The following BTC variants were observed in gnomAD, a reference collection of about 807,000 sequenced individuals.
BTC encodes probetacellulin.
A neutral mutation model predicts 18.1 loss-of-function variants in BTC; 13 were observed. The observed-to-expected ratio is 0.72, with a 90% CI of 0.47 to 1.14. BTC has a LOEUF of 1.14. Among genes scored for constraint, BTC ranks in the 50% most tolerant of loss-of-function variants. BTC has a pLI of 0.00. For synonymous variants in BTC, 83 were observed against 79.4 expected, an observed-to-expected ratio of 1.05 and a Z score of -0.24; for missense variants, 247 against 224.2, an observed-to-expected ratio of 1.10 and a Z score of -0.65.
chr4:74,762,723 A>C (rs1306724863), intron 2 of BTC, among the ~76,000 whole-genome samples: 3 of 152,198 alleles, frequency 2.0e-5, no homozygotes, highest in African/African-American at 7.2e-5. Context: ...TACCTTAGAT[A>C]CTGAGAGATC....
At chr4:74,790,572 A>C (rs1479674901) in intron 1 of BTC, among the ~76,000 whole-genome samples, 1 of 152,186 alleles carries the variant, frequency 6.6e-6, no homozygotes, top group Non-Finnish European at 1.5e-5. Flanking sequence ...CAGGGAGACT[A>C]TGAAGCGATG....
chr4:74,784,062 G>T (rs1386431592), intron 1 of BTC, among the ~76,000 whole-genome samples: 1 of 151,732 alleles, frequency 6.6e-6, no homozygotes, highest in Non-Finnish European at 1.5e-5. Context: ...ATGAAACCCT[G>T]TCTCTACTAA....
chr4:74,788,288 G>A (rs1725535821), intron 1 of BTC, among the ~76,000 whole-genome samples: 1 of 152,036 alleles, frequency 6.6e-6, no homozygotes, highest in Admixed American at 6.6e-5. Context: ...CAAAAAAAAT[G>A]GTAGCTATTA....
intron 1 of BTC, among the ~76,000 whole-genome samples, chr4:74,784,803 G>A (rs1458272296): frequency 6.6e-6 from 1 of 152,188 alleles, no homozygotes; most frequent in Admixed American, 6.5e-5. Flanking sequence ...TAAGCTTTTT[G>A]ATATGCTGCT....
chr4:74,758,433 T>C (rs1380533472), intron 2 of BTC, among the ~76,000 whole-genome samples: 3 of 151,992 alleles, frequency 2.0e-5, no homozygotes, highest in Admixed American at 2.0e-4. Flanking sequence ...GGCGGACACA[T>C]ACAATGTGAG....
chr4:74,746,060 G>T lies in BTC; in HGVS notation c.*617C>A. 6.6e-6 allele frequency: 1 copy of T among 152,098 alleles called. No individual in the cohort carries two copies. The highest frequency in any genetic ancestry group is 2.1e-4 in the South Asian group (1 of 4,824). 9.4% of individuals were successfully genotyped at this position (152,098 alleles called of 1,614,324 possible). ...AACACAGTTCAGTATAAAACCTTGG[G>T]TTATATTATTGAGTTAGGTTGCACC... On this transcript the variant is annotated 3_prime_UTR_variant, in exon 6 of 6. Coordinates refer to ENST00000395743, the MANE Select transcript of BTC (RefSeq NM_001729.4).
At chr4:74,752,758 AT>A (rs1340696524) in intron 3 of BTC, among the ~76,000 whole-genome samples, 3 of 152,230 alleles carry the variant, frequency 2.0e-5, no homozygotes, top group East Asian at 1.9e-4. Context: ...TTACAAATAT[AT>A]TTTTTTCCAA....
chr4:74,766,320 T>G lies in BTC; in HGVS notation c.163+3738A>C, dbSNP rs560512048. Among the ~76,000 whole-genome samples the G allele has an allele frequency of 6.7e-4, 102 of 152,206 alleles. 1 individual carries two copies. The highest frequency in any genetic ancestry group is 2.4e-3 in the African/African-American group (101 of 41,578). On this transcript the variant is annotated intron_variant, in intron 2 of 5. Transcript: ENST00000395743. The stretch of plus-strand genomic sequence containing the variant: ...ACTTTAACTTACTGTAACTTTTTTA[T>G]TGTATAAACTTTTAAATTAATTTTT...
intron 1 of BTC, among the ~76,000 whole-genome samples, chr4:74,789,288 C>G (rs2109922136): frequency 6.6e-6 from 1 of 152,310 alleles, no homozygotes; most frequent in East Asian, 1.9e-4. Flanking sequence ...ACTATTATGG[C>G]AGTTTCCTTT....
intron 2 of BTC, among the ~76,000 whole-genome samples, chr4:74,762,415 T>C (rs1724785221): frequency 6.6e-6 from 1 of 152,148 alleles, no homozygotes; most frequent in African/African-American, 2.4e-5. Flanking sequence ...CGCCATAGGA[T>C]TAAATGAATT....
chr4:74,763,180 T>C (rs1724808842), intron 2 of BTC, among the ~76,000 whole-genome samples: 3 of 152,174 alleles, frequency 2.0e-5, no homozygotes. Context: ...CTATATCCTA[T>C]ACAGAAAAAT....
At chr4:74,759,770 G>A (rs1724702789) in intron 2 of BTC, among the ~76,000 whole-genome samples, 1 of 152,076 alleles carries the variant, frequency 6.6e-6, no homozygotes, top group South Asian at 2.1e-4. Flanking sequence ...AGATCACACA[G>A]CAATTAGACA....
chr4:74,757,508 T>G (rs1560712050), intron 2 of BTC, among the ~76,000 whole-genome samples: 1 of 152,188 alleles, frequency 6.6e-6, no homozygotes, highest in African/African-American at 2.4e-5. Flanking sequence ...GCAAAATGTA[T>G]CAAAGGCAAA....
At chr4:74,772,949 G>A (rs1412685277) in intron 1 of BTC, among the ~76,000 whole-genome samples, 3 of 152,130 alleles carry the variant, frequency 2.0e-5, no homozygotes, top group Non-Finnish European at 4.4e-5. Flanking sequence ...CTTCCGCTAA[G>A]CTTTGTTTCA....
At chr4:74,756,881 C>T (rs1198144054) in intron 2 of BTC, among the ~76,000 whole-genome samples, 1 of 152,168 alleles carries the variant, frequency 6.6e-6, no homozygotes, top group Admixed American at 6.5e-5. Flanking sequence ...TAGCCATTTC[C>T]CCATCACCGA....
In BTC at chr4:74,794,262, C is replaced by A. The variant is rs1725711135; in HGVS notation, c.64G>T (p.Gly22Cys). The part of the protein sequence containing the change: ...SLPLLLALAL[G>C]LVILHCVVAD... ...TCCAGTGCCCAGCACGGCCACTTAC[C>A]CAGGGCAAGGGCCAGGAGCAGTGGC... Residue 22 changes from glycine to cysteine, a missense_variant and splice_region_variant, in exon 1 of 6, where the codon GGT (glycine) becomes TGT (cysteine). Coordinates refer to ENST00000395743, the MANE Select transcript of BTC (RefSeq NM_001729.4). 3 of 1,550,164 alleles carry A rather than the reference C, an allele frequency of 1.9e-6. No homozygotes were observed. Among genetic ancestry groups the A allele is most frequent in the Non-Finnish European group, 2.6e-6 (3 of 1,146,804 alleles).
At chr4:74,765,754 A>C (rs1724884473) in intron 2 of BTC, among the ~76,000 whole-genome samples, 2 of 152,200 alleles carry the variant, frequency 1.3e-5, no homozygotes, top group Non-Finnish European at 2.9e-5. Context: ...ATTACTTTTC[A>C]CGCACAAAGA....
intron 1 of BTC, among the ~76,000 whole-genome samples, chr4:74,792,537 T>C (rs1725661041): frequency 6.6e-6 from 1 of 152,228 alleles, no homozygotes; most frequent in Non-Finnish European, 1.5e-5. Flanking sequence ...AACCATTGTT[T>C]GCATCATATC....
intron 1 of BTC, among the ~76,000 whole-genome samples, chr4:74,784,186 A>G (rs1215282359): frequency 2.0e-5 from 3 of 149,264 alleles, no homozygotes; most frequent in Non-Finnish European, 4.4e-5. Context: ...GAGCTGAGAT[A>G]GTGCCACTGC....
Sources: allele counts gnomAD v4.1 joint callset (sites outside exome capture counted in the v4.1 genomes callset), GRCh38; gene constraint gnomAD v4.1.1; transcripts MANE v1.5; gene names NCBI Gene and HGNC (gene_info 2026-07-23, HGNC 2026-07-21).